The following TLL1 variants were observed in gnomAD, a reference collection of about 807,000 sequenced individuals.
The protein encoded by TLL1 is tolloid-like protein 1.
In TLL1, 49 loss-of-function variants were observed where a neutral mutation model predicts 128.2. That is an observed-to-expected ratio of 0.38 (90% CI 0.30 to 0.48). The LOEUF (loss-of-function observed/expected upper bound fraction) is 0.48. Among genes scored for constraint, TLL1 ranks in the 20% least tolerant of loss-of-function variants. The probability of loss-of-function intolerance (pLI) is 0.96; values close to 1 mark genes in which losing one functional copy is unlikely to be tolerated. For missense variants in TLL1, 1,123 were observed against 1,242.0 expected (o/e 0.90, Z 1.44); for synonymous variants, 454 against 418.8 (o/e 1.08, Z -1.03).
chr4:165,887,698 C>A (rs1185498417), intron 1 of TLL1, among the ~76,000 whole-genome samples: 1 of 152,056 alleles, frequency 6.6e-6, no homozygotes, highest in East Asian at 1.9e-4. Context: ...ACTTGTCAAG[C>A]CTCAACATTT....
At chr4:165,884,408 TTAAG>T (rs1209606944) in intron 1 of TLL1, among the ~76,000 whole-genome samples, 1 of 152,250 alleles carries the variant, frequency 6.6e-6, no homozygotes, top group Non-Finnish European at 1.5e-5. Context: ...ACTGCAACTT[TTAAG>T]TAAGTACTTT....
At chr4:165,952,364 A>T (rs1312637825) in intron 1 of TLL1, among the ~76,000 whole-genome samples, 6 of 152,190 alleles carry the variant, frequency 3.9e-5, no homozygotes, top group Non-Finnish European at 8.8e-5. Flanking sequence ...ACATTAGATT[A>T]TATTGTATTC....
At chr4:166,056,151 A>T (rs988426582) in intron 13 of TLL1, among the ~76,000 whole-genome samples, 6 of 152,100 alleles carry the variant, frequency 3.9e-5, no homozygotes, top group African/African-American at 9.6e-5. Flanking sequence ...TATTAAAAGA[A>T]TTCATTAAAA....
intron 1 of TLL1, among the ~76,000 whole-genome samples, chr4:165,986,710 G>A (rs1052139707): frequency 5.3e-5 from 8 of 151,964 alleles, no homozygotes; most frequent in African/African-American, 1.9e-4. Flanking sequence ...CTCCCCAGAA[G>A]TAATGTTTTT....
intron 2 of TLL1, among the ~76,000 whole-genome samples, chr4:165,990,375 GT>G (rs1351007210): frequency 4.9e-4 from 75 of 151,990 alleles, no homozygotes; most frequent in Non-Finnish European, 9.7e-4. Context: ...AGTACAATAT[GT>G]GGTCCTTTCT....
intron 2 of TLL1, among the ~76,000 whole-genome samples, chr4:165,991,408 C>T (rs1736630707): frequency 6.6e-6 from 1 of 151,964 alleles, no homozygotes; most frequent in African/African-American, 2.4e-5. Context: ...TCATTTCAAA[C>T]ATCATTGATG....
intron 18 of TLL1, among the ~76,000 whole-genome samples, chr4:166,089,255 A>G (rs535136663): frequency 2.0e-5 from 3 of 152,084 alleles, no homozygotes; most frequent in African/African-American, 4.8e-5. Flanking sequence ...GGTTAAGCCA[A>G]TTTTCTCATA....
chr4:166,085,198 C>T (rs1741449995), intron 18 of TLL1, among the ~76,000 whole-genome samples: 3 of 149,458 alleles, frequency 2.0e-5, no homozygotes, highest in Non-Finnish European at 1.5e-5. Flanking sequence ...TCAGAGTTTT[C>T]TCCGCATGAG....
rs1186951727 is a variant in TLL1, at chr4:165,885,361, CA to C, written c.169+11289del. Among the ~76,000 whole-genome samples, 8 of 152,078 alleles carry C rather than the reference CA, an allele frequency of 5.3e-5. 1 individual carries two copies. Among genetic ancestry groups the C allele is most frequent in the East Asian group, 1.9e-4 (1 of 5,154 alleles). On this transcript the variant is annotated intron_variant, in intron 1 of 20. Transcript: ENST00000061240. ...AAGTGGTACCAAGAAGTTGCAGTGC[CA>C]GGGGGCATATGCTGTACACCGAGAG... is the stretch of plus-strand genomic sequence containing the variant.
intron 17 of TLL1, 54 bp downstream of exon 17, chr4:166,075,057 G>A: frequency 2.1e-5 from 33 of 1,603,938 alleles, no homozygotes; most frequent in South Asian, 1.0e-4. Context: ...ATGTGGTTTG[G>A]GTAAAGCACT....
intron 1 of TLL1, among the ~76,000 whole-genome samples, chr4:165,925,084 A>G (rs887029143): frequency 3.3e-5 from 5 of 152,230 alleles, no homozygotes; most frequent in Non-Finnish European, 7.3e-5. Flanking sequence ...AGAAATGTCC[A>G]TGGAGATTAA....
intron 1 of TLL1, among the ~76,000 whole-genome samples, chr4:165,981,148 GA>G (rs1219055317): frequency 1.3e-4 from 20 of 152,052 alleles, no homozygotes; most frequent in Admixed American, 7.2e-4. Flanking sequence ...TTCCTCTATA[GA>G]GTTTTTTTCC....
At chr4:165,886,510 A>G (rs1731169528) in intron 1 of TLL1, among the ~76,000 whole-genome samples, 1 of 152,212 alleles carries the variant, frequency 6.6e-6, no homozygotes, top group Non-Finnish European at 1.5e-5. Flanking sequence ...TTAACTATCA[A>G]TATAAAAATG....
At chr4:165,948,247 G>A in intron 1 of TLL1, among the ~76,000 whole-genome samples, 1 of 152,106 alleles carries the variant, frequency 6.6e-6, no homozygotes, top group East Asian at 1.9e-4. Flanking sequence ...TATGTTACGA[G>A]CAGATAACTT....
intron 1 of TLL1, among the ~76,000 whole-genome samples, chr4:165,933,706 CTT>C (rs1733635858): frequency 6.6e-6 from 1 of 152,120 alleles, no homozygotes; most frequent in Non-Finnish European, 1.5e-5. Context: ...GCAGCCCTGT[CTT>C]TTTATTCTGA....
Position 166,093,389 on chromosome 4 carries a change from A to G in TLL1, c.2656+2048A>G, listed in dbSNP as rs536132638. Among the ~76,000 whole-genome samples the G allele has an allele frequency of 9.2e-5, 14 of 152,302 alleles. No homozygotes were observed. In the East Asian group the frequency reaches 1.2e-3, roughly 13 times the overall value. ...GGAGGTACTATGCCTGGATGTGCAC[A>G]TAGGCCAGATTTATGTTTCTCTCCG... On this transcript the variant is annotated intron_variant, in intron 19 of 20. Transcript: ENST00000061240.
intron 1 of TLL1, 110 bp from the exon 2 acceptor site, chr4:165,989,271 C>A: frequency 1.2e-6 from 1 of 800,090 alleles, no homozygotes; most frequent in Admixed American, 2.1e-5. Flanking sequence ...AAAGATCTGT[C>A]TCTATCCAGA....
intron 1 of TLL1, among the ~76,000 whole-genome samples, chr4:165,921,996 T>C (rs1430379843): frequency 2.0e-5 from 3 of 152,228 alleles, no homozygotes; most frequent in Non-Finnish European, 4.4e-5. Context: ...AATTTTAGGT[T>C]GGGAGATGAG....
chr4:165,981,557 T>C lies in TLL1; in HGVS notation c.170-7824T>C, dbSNP rs539048334. 7.9e-5 allele frequency among the ~76,000 whole-genome samples: 12 copies of C among 152,200 alleles called. No homozygotes were observed. In the South Asian group the frequency reaches 2.5e-3, roughly 31 times the overall value. ...CTAAAACTTATGTCAGTTCTAAATA[T>C]GTAAATTTTAAAAGGACATACCAAG... On this transcript the variant is annotated intron_variant, in intron 1 of 20. Transcript: ENST00000061240.
Sources: gnomAD v4.1 joint callset for allele counts (sites outside exome capture counted in the v4.1 genomes callset) on GRCh38, gnomAD v4.1.1 for gene constraint, MANE v1.5 for transcripts, NCBI Gene and HGNC (gene_info 2026-07-23, HGNC 2026-07-21) for gene names.